KIF1B: variants seen among roughly 807,000 people sequenced by gnomAD.
KIF1B encodes kinesin family member 1B, also known as kinesin-like protein KIF1B.
In KIF1B, 76 loss-of-function variants were observed where a neutral mutation model predicts 241.9. The ratio of observed to expected loss-of-function variants is 0.31; its 90% confidence interval spans 0.26 to 0.38. The LOEUF (loss-of-function observed/expected upper bound fraction) is 0.38. KIF1B is among the 10% of genes least tolerant of loss of function. The pLI, the probability that KIF1B is intolerant of heterozygous loss-of-function variation, is 1.00. For synonymous variants in KIF1B, 750 were observed against 796.7 expected, an observed-to-expected ratio of 0.94 and a Z score of 0.99; for missense variants, 1,622 against 2,271.4, an observed-to-expected ratio of 0.71 and a Z score of 5.81.
chr1:10,368,443 T>C, intron 43 of KIF1B, 24 bp from the exon 44 acceptor site: 5 of 1,601,298 alleles, frequency 3.1e-6, no homozygotes, highest in Non-Finnish European at 4.3e-6. Context: ...ATGTTCAGCT[T>C]GCACTTCTCT....
In KIF1B at chr1:10,380,646, C is replaced by T. The variant is rs1569944089; in HGVS notation, c.*4059C>T. On this transcript the variant is annotated 3_prime_UTR_variant, in exon 49 of 49. Transcript: ENST00000676179. The stretch of plus-strand genomic sequence containing the variant: ...GCTTGAACCTGGGAGGTGGAGGCTG[C>T]AGTGAGTTGAGACTGCACCATTGCA... 5.2e-6 allele frequency: 1 copy of T among 194,118 alleles called. No homozygotes were observed. Among genetic ancestry groups the T allele is most frequent in the Non-Finnish European group, 1.1e-5 (1 of 92,900 alleles). 12.0% of individuals were successfully genotyped at this position (194,118 alleles called of 1,614,324 possible). A position where few individuals can be genotyped will look rare whatever the true frequency, so the allele number is the denominator to read the frequency against.
rs748616468 is a variant in KIF1B at position 10,342,064 on chromosome 1, C to T, written c.3528C>T (p.Ile1176=). The T allele has an allele frequency of 1.9e-6, 3 of 1,605,588 alleles. No homozygotes were observed. Among genetic ancestry groups the T allele is most frequent in the Non-Finnish European group, 2.6e-6 (3 of 1,172,414 alleles). The change falls in exon 33 of 49, where the codon ATC becomes ATT. Residue 1176 remains isoleucine (I), a synonymous_variant. Transcript: ENST00000676179. Reference sequence around the variant, plus strand: ...CTTGGCTTTAGATTGCAGTGGAGATCACTGAATCATTTGTGGATTACATCA... The same window carrying T: ...CTTGGCTTTAGATTGCAGTGGAGATTACTGAATCATTTGTGGATTACATCA... The part of the protein sequence containing the change: ...FYHVQNIAVE[I]TESFVDYIKT...
In KIF1B at chr1:10,279,464, T is replaced by C. The variant is rs191187936; in HGVS notation, c.1222+326T>C. On this transcript the variant is annotated intron_variant, in intron 14 of 48. Transcript: ENST00000676179. ...TGACACTTACTGATTTTGCATAATA[T>C]GCCAGGCCCTATTCTAGGCACCTTG... Among the ~76,000 whole-genome samples the C allele has an allele frequency of 1.2e-4, 18 of 152,314 alleles. No homozygotes were observed. In the East Asian group the frequency reaches 1.5e-3, roughly 13 times the overall value.
intron 15 of KIF1B, among the ~76,000 whole-genome samples, chr1:10,287,856 G>T (rs1164639619): frequency 6.6e-6 from 1 of 152,212 alleles, no homozygotes; most frequent in African/African-American, 2.4e-5. Flanking sequence ...CAACTAGGAA[G>T]AAATATTTTT....
At chr1:10,294,094 C>T (rs1014584377) in intron 17 of KIF1B, among the ~76,000 whole-genome samples, 1 of 152,082 alleles carries the variant, frequency 6.6e-6, no homozygotes, top group African/African-American at 2.4e-5. Context: ...CTTTTCCTAC[C>T]CCCTCATCTG....
chr1:10,232,171 ATAG>A, intron 1 of KIF1B, 76 bp from the exon 2 acceptor site: 1 of 624,118 alleles, frequency 1.6e-6, no homozygotes. Flanking sequence ...TAGAACTAAG[ATAG>A]TAGTTCTTAT....
At chr1:10,306,787 T>TA in intron 22 of KIF1B, 1 of 713,588 alleles carries the variant, frequency 1.4e-6, no homozygotes, top group Non-Finnish European at 1.7e-6. Flanking sequence ...AAAAAAAAGG[T>TA]AATATTTATT....
chr1:10,273,749 C>T (rs1406318923), intron 10 of KIF1B, among the ~76,000 whole-genome samples: 1 of 129,924 alleles, frequency 7.7e-6, no homozygotes, highest in African/African-American at 3.0e-5. Context: ...ACCCAACAAA[C>T]ACCACAAGAC....
chr1:10,310,341 C>A (rs930084040), intron 22 of KIF1B, among the ~76,000 whole-genome samples: 2 of 151,512 alleles, frequency 1.3e-5, no homozygotes, highest in Admixed American at 1.3e-4. Context: ...TGCTGCTGGT[C>A]CAGTAAACAC....
chr1:10,272,852 T>C, intron 9 of KIF1B, among the ~76,000 whole-genome samples, 162 bp from the exon 10 acceptor site: 1 of 152,200 alleles, frequency 6.6e-6, no homozygotes, highest in East Asian at 1.9e-4. Context: ...GTGTTCTAGT[T>C]TAGTTTAAAA....
chr1:10,247,417 G>T (rs1243407368), intron 2 of KIF1B, among the ~76,000 whole-genome samples: 1 of 152,016 alleles, frequency 6.6e-6, no homozygotes. Flanking sequence ...TCCTAACCCG[G>T]CTTTATTTTT....
Position 10,361,910 on chromosome 1 carries a change from C to G in KIF1B, c.4304+85C>G, listed in dbSNP as rs1638435195. On this transcript the variant is annotated intron_variant, in intron 40 of 48. Transcript: ENST00000676179. ...TCCTTAAGTATTCTCGGCTTACTGTCTCACGGTTAGTTTACAGTTTATGAA... is the reference window on the plus strand; with the variant it reads ...TCCTTAAGTATTCTCGGCTTACTGTGTCACGGTTAGTTTACAGTTTATGAA... The G allele has an allele frequency of 2.0e-6, 3 of 1,501,562 alleles. No individual in the cohort carries two copies. The African/African-American group carries it at 4.1e-5, about 21-fold the overall frequency. 93.0% of individuals were successfully genotyped at this position (1,501,562 alleles called of 1,614,324 possible). A position where few individuals can be genotyped will look rare whatever the true frequency, so the allele number is the denominator to read the frequency against.
chr1:10,318,539 G>A lies in KIF1B; in HGVS notation c.2116-1504G>A, dbSNP rs532625842. 4.9e-4 allele frequency among the ~76,000 whole-genome samples: 75 copies of A among 151,748 alleles called. 1 individual carries two copies. The highest frequency in any genetic ancestry group is 9.3e-4 in the Non-Finnish European group (63 of 68,016). ...GTTCGAGATCAGCCTGGCCAACATG[G>A]TGAAAACCCATCTCTACTAAAATAT... On this transcript the variant is annotated intron_variant, in intron 22 of 48. Coordinates refer to ENST00000676179, the MANE Select transcript of KIF1B (RefSeq NM_001365951.3).
chr1:10,280,080 A>C (rs1330338990), intron 14 of KIF1B, among the ~76,000 whole-genome samples: 1 of 152,140 alleles, frequency 6.6e-6, no homozygotes, highest in African/African-American at 2.4e-5. Flanking sequence ...GAGTCACATG[A>C]ACCTCATTAT....
intron 3 of KIF1B, among the ~76,000 whole-genome samples, chr1:10,257,805 A>G (rs192273706): frequency 4.5e-4 from 68 of 152,098 alleles, no homozygotes; most frequent in African/African-American, 1.5e-3. Flanking sequence ...CCTCCTGAGT[A>G]TCTGAGATTA....
In KIF1B at chr1:10,266,603, C is replaced by G. The variant is rs563755626; in HGVS notation, c.430-777C>G. On this transcript the variant is annotated intron_variant, in intron 5 of 48. Coordinates refer to ENST00000676179, the MANE Select transcript of KIF1B (RefSeq NM_001365951.3). ...TGAGCCTTAAAGAATTAGCATCACC[C>G]GTCTGTTTTGTCTTCTCTGCTCTGT... Among the ~76,000 whole-genome samples the G allele has an allele frequency of 6.6e-3, 1,003 of 152,276 alleles. 9 individuals are homozygous for G. The highest frequency in any genetic ancestry group is 0.011 in the Non-Finnish European group (717 of 68,020).
chr1:10,374,795 C>G lies in KIF1B; in HGVS notation c.5097-59C>G. ...CTAAGTGTGGCGTATTTTGATGGTC[C>G]TCAGCACGATTATTTTCTTTTTGTG... On this transcript the variant is annotated intron_variant, in intron 46 of 48. Transcript: ENST00000676179. The surrounding 1 kb of genome is among the most constrained non-coding windows in gnomAD (Gnocchi z 4.3). The G allele has an allele frequency of 6.5e-7, 1 of 1,528,882 alleles. No individual in the cohort carries two copies. The highest frequency in any genetic ancestry group is 1.7e-5 in the Admixed American group (1 of 59,496). The allele number at this position is 1,528,882 out of a possible 1,614,324, so 94.7% of individuals were successfully genotyped here. A position where few individuals can be genotyped will look rare whatever the true frequency, so the allele number is the denominator to read the frequency against.
chr1:10,372,792 G>A (rs1182294472), intron 45 of KIF1B, among the ~76,000 whole-genome samples: 2 of 149,372 alleles, frequency 1.3e-5, no homozygotes, highest in Non-Finnish European at 3.0e-5. Flanking sequence ...ACCACACCCA[G>A]CTAATTTTTT....
intron 22 of KIF1B, among the ~76,000 whole-genome samples, chr1:10,311,142 G>A (rs1651047784): frequency 6.6e-6 from 1 of 150,654 alleles, no homozygotes. Context: ...GATTATTCCT[G>A]CCAGCATGCA....
Sources: allele counts gnomAD v4.1 joint callset (sites outside exome capture counted in the v4.1 genomes callset), GRCh38; gene constraint gnomAD v4.1.1; non-coding constraint Gnocchi (gnomAD v3.1); transcripts MANE v1.5; gene names NCBI Gene and HGNC (gene_info 2026-07-23, HGNC 2026-07-21).